CABCOCO1: variants seen among roughly 807,000 people sequenced by gnomAD.
CABCOCO1 encodes ciliary associated calcium binding coiled-coil 1.
Under a neutral mutation model 35.7 loss-of-function variants are expected in CABCOCO1, and 28 were observed. The observed-to-expected ratio is 0.78, with a 90% CI of 0.58 to 1.07. CABCOCO1 has a LOEUF of 1.07. Among genes scored for constraint, CABCOCO1 ranks in the 50% least tolerant of loss-of-function variants. The pLI, the probability that CABCOCO1 is intolerant of heterozygous loss-of-function variation, is 0.00. For synonymous variants in CABCOCO1, 95 were observed against 100.1 expected, an observed-to-expected ratio of 0.95 and a Z score of 0.30; for missense variants, 326 against 309.2, an observed-to-expected ratio of 1.05 and a Z score of -0.41.
intron 1 of CABCOCO1, among the ~76,000 whole-genome samples, chr10:61,666,225 C>T (rs914215152): frequency 2.0e-5 from 3 of 152,306 alleles, no homozygotes; most frequent in Non-Finnish European, 2.9e-5. Flanking sequence ...CCCACTCCAT[C>T]GTTACAGAGA....
intron 6 of CABCOCO1, among the ~76,000 whole-genome samples, chr10:61,760,455 C>T (rs1305433019): frequency 6.6e-6 from 1 of 152,012 alleles, no homozygotes; most frequent in African/African-American, 2.4e-5. Flanking sequence ...CCCTCATGAA[C>T]AGGAATATAA....
chr10:61,753,953 A>G (rs185337094), intron 5 of CABCOCO1, among the ~76,000 whole-genome samples: 2 of 152,312 alleles, frequency 1.3e-5, no homozygotes, highest in Non-Finnish European at 1.5e-5. Flanking sequence ...TAACAATTAC[A>G]TATAAAAATA....
At chr10:61,753,861 G>A (rs1213213650) in intron 5 of CABCOCO1, among the ~76,000 whole-genome samples, 4 of 152,112 alleles carry the variant, frequency 2.6e-5, no homozygotes, top group African/African-American at 4.8e-5. Context: ...ATACTTTAAA[G>A]ACTGTCACTA....
intron 2 of CABCOCO1, among the ~76,000 whole-genome samples, chr10:61,680,461 A>AAAT (rs1839689991): frequency 2.4e-5 from 1 of 41,902 alleles, no homozygotes; most frequent in Non-Finnish European, 5.2e-5. Context: ...TATATATAAC[A>AAAT]TATATAATAT....
intron 1 of CABCOCO1, among the ~76,000 whole-genome samples, chr10:61,667,986 C>T (rs1839242535): frequency 6.6e-6 from 1 of 151,880 alleles, no homozygotes; most frequent in Admixed American, 6.6e-5. Context: ...CCATATGATG[C>T]TTGCAATATG....
chr10:61,721,551 G>A (rs1323542218), intron 5 of CABCOCO1, among the ~76,000 whole-genome samples: 1 of 152,150 alleles, frequency 6.6e-6, no homozygotes, highest in African/African-American at 2.4e-5. Flanking sequence ...AGTATTAGTA[G>A]AGTCTAGTAA....
At chr10:61,760,535 G>T (rs768775624) in intron 6 of CABCOCO1, among the ~76,000 whole-genome samples, 3 of 151,916 alleles carry the variant, frequency 2.0e-5, no homozygotes, top group Non-Finnish European at 4.4e-5. Flanking sequence ...GTATCCAATA[G>T]AAATTTGAGG....
intron 5 of CABCOCO1, among the ~76,000 whole-genome samples, chr10:61,691,759 C>T (rs369290797): frequency 2.8e-4 from 42 of 152,146 alleles, no homozygotes; most frequent in Admixed American, 1.7e-3. Flanking sequence ...TTCTCTGTTC[C>T]TGTGTTAGTT....
chr10:61,680,671 C>CATATATATTTTATACATGTATAACAT (rs74188857), intron 2 of CABCOCO1, among the ~76,000 whole-genome samples: 1 of 53,436 alleles, frequency 1.9e-5, no homozygotes, highest in Admixed American at 3.1e-4. Flanking sequence ...ACATGTATAA[C>CATATATATTTTATACATGTATAACAT]ATATATGTTA....
intron 5 of CABCOCO1, among the ~76,000 whole-genome samples, chr10:61,725,498 C>T (rs1841125596): frequency 6.6e-6 from 1 of 151,514 alleles, no homozygotes; most frequent in African/African-American, 2.4e-5. Context: ...TCTGAGCAAA[C>T]TATCAGAAGG....
chr10:61,755,683 T>C (rs1201412313), intron 5 of CABCOCO1, among the ~76,000 whole-genome samples: 1 of 152,038 alleles, frequency 6.6e-6, no homozygotes, highest in Admixed American at 6.6e-5. Flanking sequence ...TTTAATAATT[T>C]AATAATTATC....
intron 5 of CABCOCO1, among the ~76,000 whole-genome samples, chr10:61,691,266 C>T (rs921741923): frequency 6.6e-6 from 1 of 152,096 alleles, no homozygotes; most frequent in Admixed American, 6.6e-5. Context: ...CAGTAATTTT[C>T]TTGAAGACAA....
At chr10:61,709,506 T>C (rs10994886) in intron 5 of CABCOCO1, among the ~76,000 whole-genome samples, 83,615 of 151,780 alleles carry the variant, frequency 0.55, 23,858 homozygotes, top group Admixed American at 0.68. Flanking sequence ...TCAGTTAAAA[T>C]TTCACAGTAA....
chr10:61,765,564 C>A (rs916797420), intron 7 of CABCOCO1, among the ~76,000 whole-genome samples: 43 of 152,188 alleles, frequency 2.8e-4, no homozygotes, highest in African/African-American at 1.0e-3. Flanking sequence ...ACATCCATTG[C>A]AGATGGTGGA....
intron 1 of CABCOCO1, among the ~76,000 whole-genome samples, chr10:61,665,842 G>C: frequency 6.7e-6 from 1 of 149,730 alleles, no homozygotes; most frequent in East Asian, 2.0e-4. Flanking sequence ...AGCCGAGATC[G>C]CGCCACTGCA....
chr10:61,704,764 C>T (rs1188811399), intron 5 of CABCOCO1, among the ~76,000 whole-genome samples: 1 of 151,656 alleles, frequency 6.6e-6, no homozygotes, highest in Non-Finnish European at 1.5e-5. Flanking sequence ...AAATCTCTCT[C>T]TTTTGCCCCA....
At chr10:61,680,323 T>A (rs1839673445) in intron 2 of CABCOCO1, among the ~76,000 whole-genome samples, 1 of 138,380 alleles carries the variant, frequency 7.2e-6, no homozygotes. Flanking sequence ...AAAAAATATA[T>A]ATATATATAT....
chr10:61,678,227 C>T (rs900138819), intron 2 of CABCOCO1, among the ~76,000 whole-genome samples: 5 of 152,098 alleles, frequency 3.3e-5, no homozygotes, highest in Non-Finnish European at 7.4e-5. Flanking sequence ...GGACTTTCTG[C>T]GTATTCCACT....
intron 5 of CABCOCO1, among the ~76,000 whole-genome samples, chr10:61,704,616 A>G (rs1229436911): frequency 1.3e-5 from 2 of 152,210 alleles, no homozygotes; most frequent in African/African-American, 4.8e-5. Flanking sequence ...CAAGTACCAC[A>G]TAGCTAAACT....
Sources: gnomAD v4.1 joint callset for allele counts (sites outside exome capture counted in the v4.1 genomes callset) on GRCh38, gnomAD v4.1.1 for gene constraint, MANE v1.5 for transcripts, NCBI Gene and HGNC (gene_info 2026-07-23, HGNC 2026-07-21) for gene names.